Variants in CTBP2 observed in about 807,000 individuals in gnomAD.
The protein encoded by CTBP2 is C-terminal-binding protein 2.
CTBP2 carries 30 observed loss-of-function variants against 80.3 expected under a neutral mutation model. The observed-to-expected ratio is 0.37, with a 90% confidence interval of 0.28 to 0.51. The LOEUF (loss-of-function observed/expected upper bound fraction) is 0.51, where lower values mean the gene tolerates loss of function less well. Among genes scored for constraint, CTBP2 ranks in the 20% least tolerant of loss-of-function variants. CTBP2 has a pLI of 0.93. For missense variants in CTBP2, 1,212 were observed against 1,375.3 expected (o/e 0.88, Z 1.88); for synonymous variants, 594 against 587.4 (o/e 1.01, Z -0.16).
chr10:125,042,209 C>T (rs1371916074), intron 2 of CTBP2, among the ~76,000 whole-genome samples: 3 of 152,216 alleles, frequency 2.0e-5, no homozygotes, highest in African/African-American at 7.2e-5. Context: ...CCTTAGCCCT[C>T]CCAAGGAGCA....
chr10:125,097,780 CTTTTT>C (rs1236740142), intron 2 of CTBP2, among the ~76,000 whole-genome samples: 35 of 152,124 alleles, frequency 2.3e-4, no homozygotes, highest in Non-Finnish European at 3.8e-4. Context: ...GTAGTTCCTA[CTTTTT>C]GCCAAAGGGT....
intron 3 of CTBP2, among the ~76,000 whole-genome samples, chr10:125,002,499 G>A (rs890566416): frequency 6.6e-6 from 1 of 152,222 alleles, no homozygotes; most frequent in Admixed American, 6.5e-5. Context: ...ATGCTGCTAA[G>A]GCTGCCCTCC....
chr10:125,046,668 C>G (rs577113014), intron 2 of CTBP2, among the ~76,000 whole-genome samples: 147 of 152,044 alleles, frequency 9.7e-4, no homozygotes, highest in African/African-American at 3.3e-3. Context: ...AAAGTGAAGC[C>G]CCTGTAAGTT....
intron 2 of CTBP2, among the ~76,000 whole-genome samples, chr10:125,078,008 C>T (rs557610843): frequency 1.1e-4 from 17 of 152,244 alleles, no homozygotes; most frequent in Admixed American, 3.9e-4. Context: ...AGGCCGGGCG[C>T]GGTGGCTCAC....
chr10:125,159,368 G>T (rs1402050492), intron 1 of CTBP2, among the ~76,000 whole-genome samples: 4 of 146,506 alleles, frequency 2.7e-5, no homozygotes, highest in Non-Finnish European at 6.1e-5. Flanking sequence ...AGGAAGTGGT[G>T]CCCGCGGGAG....
In CTBP2 at chr10:125,027,793, G is replaced by A. The variant is rs2134720521; in HGVS notation, c.-34C>T. The A allele has an allele frequency of 1.3e-6, 2 of 1,485,470 alleles. No individual in the cohort carries two copies. The highest frequency in any genetic ancestry group is 4.9e-5 in the East Asian group (2 of 40,632). The allele number at this position is 1,485,470 out of a possible 1,614,324, so 92.0% of individuals were successfully genotyped here. On this transcript the variant is annotated 5_prime_UTR_variant, in exon 1 of 9. Coordinates refer to ENST00000309035, the MANE Select transcript of CTBP2 (RefSeq NM_022802.3). ...AAATGACTGCGGATGAGGCAGAGGA[G>A]AAGCTTTTCTTTATAAATCTTCAAT...
At chr10:124,997,917 C>T (rs755401036) in intron 4 of CTBP2, 47 bp downstream of exon 6, 17 of 1,571,970 alleles carry the variant, frequency 1.1e-5, no homozygotes. Context: ...ACTACACCAG[C>T]CCCAGTGTCG....
intron 1 of CTBP2, among the ~76,000 whole-genome samples, chr10:125,016,237 G>A (rs1432026395): frequency 6.8e-6 from 1 of 147,310 alleles, no homozygotes; most frequent in South Asian, 2.4e-4. Context: ...GAGGGCAAAC[G>A]CCCTGGATGT....
intron 2 of CTBP2, among the ~76,000 whole-genome samples, chr10:125,078,667 G>A (rs1846676104): frequency 6.6e-6 from 1 of 152,068 alleles, no homozygotes; most frequent in Non-Finnish European, 1.5e-5. Context: ...CTCTGGAGGC[G>A]GAGCAATCAC....
intron 1 of CTBP2, chr10:125,138,102 G>A (rs1419663916): frequency 6.6e-6 from 1 of 152,238 alleles, no homozygotes; most frequent in Non-Finnish European, 1.5e-5. Flanking sequence ...CATCCGCAAA[G>A]CCCTAGACAC....
At position 124,988,504 on chromosome 10, in the gene CTBP2, T is replaced by C. The variant is rs999363725; in HGVS notation, c.*1014A>G. ...TTTTCTTTTGTCACAAAAACAGGAATGTACCTATACAAAGGCTCAAAATAG... is the reference window on the plus strand; with the variant it reads ...TTTTCTTTTGTCACAAAAACAGGAACGTACCTATACAAAGGCTCAAAATAG... On this transcript the variant is annotated 3_prime_UTR_variant, in exon 9 of 9. Coordinates refer to ENST00000309035, the MANE Select transcript of CTBP2 (RefSeq NM_022802.3). 13 of 152,668 alleles carry C rather than the reference T, an allele frequency of 8.5e-5. No individual in the cohort carries two copies. Among genetic ancestry groups the C allele is most frequent in the African/African-American group, 3.1e-4 (13 of 41,458 alleles). 9.5% of individuals were successfully genotyped at this position (152,668 alleles called of 1,614,324 possible).
upstream of CTBP2, among the ~76,000 whole-genome samples, chr10:125,162,188 G>A (rs1861937311): frequency 6.6e-6 from 1 of 152,244 alleles, no homozygotes; most frequent in Admixed American, 6.5e-5. Flanking sequence ...GGATTGAGAT[G>A]TCGAGCAGGA....
rs778942945 is a variant in CTBP2, at chr10:125,026,390, A to C, written c.1370T>G (p.Leu457Arg). 2 of 1,610,932 alleles carry C rather than the reference A, an allele frequency of 1.2e-6. No individual in the cohort carries two copies. The highest frequency in any genetic ancestry group is 2.2e-5 in the South Asian group (2 of 90,996). ...GTTAGTCAAGGCCACCCCTGCCTGC[A>C]GGGGGTACGTGGGGCTCAGACGCGC... The change falls in exon 1 of 9, where the codon CTG becomes CGG. Residue 457 changes from leucine to arginine, a missense_variant. Coordinates refer to ENST00000309035, the MANE Select transcript of CTBP2 (RefSeq NM_022802.3).
intron 2 of CTBP2, among the ~76,000 whole-genome samples, chr10:125,098,768 G>GAGAGAT (rs1564915038): frequency 7.2e-6 from 1 of 138,458 alleles, no homozygotes; most frequent in African/African-American, 2.8e-5. Context: ...GAGAGAGAGA[G>GAGAGAT]AGAGAGAGAG....
In CTBP2 at chr10:125,006,104, C is replaced by T. The variant is rs867887428; in HGVS notation, c.1679-2612G>A. The T allele has an allele frequency of 3.9e-5, 38 of 965,154 alleles. 1 individual carries two copies. The highest frequency in any genetic ancestry group is 2.3e-4 in the East Asian group (5 of 21,802). 59.8% of individuals were successfully genotyped at this position (965,154 alleles called of 1,614,324 possible). ...CTAGCGATCGGCTCCCTCCCCGACA[C>T]GGGTTGCCTTTCTCCTTGGTGAAAC... On this transcript the variant is annotated intron_variant, in intron 1 of 8. Coordinates refer to ENST00000309035, the MANE Select transcript of CTBP2 (RefSeq NM_022802.3).
At chr10:124,991,897 G>GGGGT (rs1564998858) in intron 8 of CTBP2, among the ~76,000 whole-genome samples, 2 of 144,138 alleles carry the variant, frequency 1.4e-5, no homozygotes, top group African/African-American at 5.1e-5. Context: ...CAATAATGGG[G>GGGGT]GGGGGGGTGT....
intron 2 of CTBP2, among the ~76,000 whole-genome samples, chr10:125,110,319 C>T (rs962149968): frequency 7.2e-5 from 11 of 152,146 alleles, no homozygotes; most frequent in African/African-American, 2.2e-4. Flanking sequence ...TAAGAAAGAT[C>T]CAGGTTTTGT....
At chr10:125,101,061 G>GA (rs1157527144) in intron 2 of CTBP2, among the ~76,000 whole-genome samples, 1 of 152,166 alleles carries the variant, frequency 6.6e-6, no homozygotes, top group Non-Finnish European at 1.5e-5. Flanking sequence ...ACGATCCAGG[G>GA]ATCTTATAAG....
At chr10:125,121,586 A>C (rs1359463185) in intron 1 of CTBP2, among the ~76,000 whole-genome samples, 2 of 152,260 alleles carry the variant, frequency 1.3e-5, no homozygotes, top group South Asian at 2.1e-4. Flanking sequence ...AGAAAATAGC[A>C]TATGAAGAAA....
Sources: gnomAD v4.1 joint callset for allele counts (sites outside exome capture counted in the v4.1 genomes callset) on GRCh38, gnomAD v4.1.1 for gene constraint, MANE v1.5 for transcripts, NCBI Gene and HGNC (gene_info 2026-07-23, HGNC 2026-07-21) for gene names.